Variants in RORA observed in about 807,000 individuals in gnomAD.
RORA encodes the protein RAR related orphan receptor A, also known as nuclear receptor ROR-alpha.
A neutral mutation model predicts 69.5 loss-of-function variants in RORA; 7 were observed. The observed-to-expected ratio is 0.10, with a 90% CI of 0.06 to 0.19. The LOEUF (loss-of-function observed/expected upper bound fraction) is 0.19. Among genes scored for constraint, RORA ranks in the 10% least tolerant of loss-of-function variants. The pLI is 1.00. For missense variants in RORA, 457 were observed against 663.0 expected, an observed-to-expected ratio of 0.69 and a Z score of 3.41; for synonymous variants, 261 against 240.8, an observed-to-expected ratio of 1.08 and a Z score of -0.78.
At chr15:60,544,807 C>A (rs1273295955) in intron 2 of RORA, 1 of 152,166 alleles carries the variant, frequency 6.6e-6, no homozygotes, top group Non-Finnish European at 1.5e-5. Context: ...CTTTTCAGAA[C>A]AAAACCTTTT....
intron 10 of RORA, among the ~76,000 whole-genome samples, chr15:60,497,897 T>TA (rs879706472): frequency 3.7e-4 from 53 of 143,506 alleles, no homozygotes; most frequent in Middle Eastern, 3.6e-3. Flanking sequence ...TGTCTCTACC[T>TA]AAAAAAAAAA....
chr15:61,184,976 C>A (rs191053844), intron 1 of RORA, among the ~76,000 whole-genome samples: 144 of 130,282 alleles, frequency 1.1e-3, no homozygotes, highest in African/African-American at 4.1e-3. Context: ...AGGAGCGAGA[C>A]CCTGTCTCTC....
At chr15:60,556,460 T>C (rs1595968088) in intron 2 of RORA, among the ~76,000 whole-genome samples, 1 of 152,332 alleles carries the variant, frequency 6.6e-6, no homozygotes, top group Non-Finnish European at 1.5e-5. Flanking sequence ...ACAGGTGATA[T>C]AAAAGCAGAG....
chr15:60,573,261 G>T (rs893965185), intron 2 of RORA, among the ~76,000 whole-genome samples: 1 of 152,088 alleles, frequency 6.6e-6, no homozygotes, highest in African/African-American at 2.4e-5. Context: ...TCATCTTAGC[G>T]ACATCATAAT....
chr15:60,993,585 G>A (rs1479593296), intron 1 of RORA, among the ~76,000 whole-genome samples: 1 of 136,158 alleles, frequency 7.3e-6, no homozygotes, highest in Non-Finnish European at 1.5e-5. Context: ...GGAGGTTGCA[G>A]TGAGCTAAGA....
chr15:60,610,846 T>C (rs1430090145), intron 2 of RORA, among the ~76,000 whole-genome samples: 1 of 152,132 alleles, frequency 6.6e-6, no homozygotes, highest in African/African-American at 2.4e-5. Context: ...TCAAGTGCCA[T>C]GTGGATAAAT....
At chr15:61,125,961 C>T (rs2079139229) in intron 1 of RORA, among the ~76,000 whole-genome samples, 1 of 152,234 alleles carries the variant, frequency 6.6e-6, no homozygotes, top group Non-Finnish European at 1.5e-5. Flanking sequence ...GGAAGCTGTG[C>T]TATGATACCA....
At chr15:60,602,515 T>G (rs1264950815) in intron 2 of RORA, among the ~76,000 whole-genome samples, 9 of 152,228 alleles carry the variant, frequency 5.9e-5, no homozygotes, top group Admixed American at 5.2e-4. Context: ...AGAAACTGTT[T>G]CCTGTCACCA....
intron 2 of RORA, among the ~76,000 whole-genome samples, chr15:60,655,698 C>T (rs1023760080): frequency 3.3e-5 from 5 of 152,160 alleles, no homozygotes; most frequent in Admixed American, 6.6e-5. Context: ...TGTTCATTTT[C>T]GTCGGATTTT....
chr15:60,571,830 CA>C lies in RORA; in HGVS notation c.197-39980del, dbSNP rs775110828. 3.0e-4 allele frequency among the ~76,000 whole-genome samples: 46 copies of C among 152,304 alleles called. No homozygotes were observed. In the Middle Eastern group the frequency reaches 0.014, roughly 45 times the overall value. On this transcript the variant is annotated intron_variant, in intron 2 of 10. Coordinates refer to ENST00000335670, the MANE Select transcript of RORA (RefSeq NM_134261.3). The stretch of plus-strand genomic sequence containing the variant: ...ATTTTCTTTCCTGCTGGGAAGTTAT[CA>C]AAATTCACTTTTTAGAATGTTAGGC...
chr15:60,913,162 G>A (rs953934338), intron 1 of RORA, among the ~76,000 whole-genome samples: 4 of 152,138 alleles, frequency 2.6e-5, no homozygotes, highest in Admixed American at 6.5e-5. Flanking sequence ...TCTTTCCCTG[G>A]CTTCTGAGTG....
intron 1 of RORA, among the ~76,000 whole-genome samples, chr15:60,730,545 CCTT>C (rs1387107292): frequency 1.3e-5 from 2 of 152,204 alleles, no homozygotes; most frequent in African/African-American, 4.8e-5. Flanking sequence ...ATTCCTTAAT[CCTT>C]CTCTTCTCTT....
At chr15:61,071,856 T>C (rs571305176) in intron 1 of RORA, among the ~76,000 whole-genome samples, 60 of 152,130 alleles carry the variant, frequency 3.9e-4, no homozygotes, top group African/African-American at 1.2e-3. Context: ...TCCTGGAGAT[T>C]TGCAATAGGT....
chr15:60,756,652 T>C (rs1041375633), intron 1 of RORA, among the ~76,000 whole-genome samples: 2 of 152,204 alleles, frequency 1.3e-5, no homozygotes, highest in Non-Finnish European at 2.9e-5. Context: ...AGAAATCCTC[T>C]TTTATTTCAC....
At chr15:61,148,153 G>A (rs1238729917) in intron 1 of RORA, among the ~76,000 whole-genome samples, 1 of 152,200 alleles carries the variant, frequency 6.6e-6, no homozygotes, top group Non-Finnish European at 1.5e-5. Flanking sequence ...GGCAACATGG[G>A]GCTAAAAGAG....
intron 2 of RORA, among the ~76,000 whole-genome samples, chr15:60,661,466 G>A (rs577029262): frequency 6.6e-6 from 1 of 152,278 alleles, no homozygotes; most frequent in South Asian, 2.1e-4. Context: ...TGATGTCTAT[G>A]GGCAGTTTCA....
intron 1 of RORA, among the ~76,000 whole-genome samples, chr15:61,070,242 T>C (rs940729523): frequency 6.6e-6 from 1 of 152,186 alleles, no homozygotes; most frequent in Admixed American, 6.5e-5. Flanking sequence ...ACTACTGGTA[T>C]AGGAGCCTGT....
intron 1 of RORA, among the ~76,000 whole-genome samples, chr15:61,191,192 A>G (rs1412892540): frequency 1.3e-5 from 2 of 152,218 alleles, no homozygotes; most frequent in East Asian, 3.8e-4. Context: ...ATCTAAAGAT[A>G]GGAATAGCTG....
At chr15:61,002,770 C>A (rs978411580) in intron 1 of RORA, among the ~76,000 whole-genome samples, 3 of 151,960 alleles carry the variant, frequency 2.0e-5, no homozygotes, top group African/African-American at 7.3e-5. Flanking sequence ...ATACACCCAG[C>A]CAGGGAATAT....
Sources: allele counts gnomAD v4.1 joint callset (sites outside exome capture counted in the v4.1 genomes callset), GRCh38; gene constraint gnomAD v4.1.1; transcripts MANE v1.5; gene names NCBI Gene and HGNC (gene_info 2026-07-23, HGNC 2026-07-21).